CNTN4: variants seen among roughly 807,000 people sequenced by gnomAD.
CNTN4 encodes contactin 4.
In CNTN4, 77 loss-of-function variants were observed where a neutral mutation model predicts 122.5. The observed-to-expected ratio is 0.63, with a 90% confidence interval of 0.52 to 0.76. The LOEUF (loss-of-function observed/expected upper bound fraction) is 0.76, where lower values mean the gene tolerates loss of function less well. Among genes scored for constraint, CNTN4 ranks in the 30% least tolerant of loss-of-function variants. CNTN4 has a pLI of 0.00. For missense variants in CNTN4, 1,256 were observed against 1,259.1 expected, an observed-to-expected ratio of 1.00 and a Z score of 0.04; for synonymous variants, 512 against 447.0, an observed-to-expected ratio of 1.15 and a Z score of -1.83.
rs377037890 is a variant in CNTN4 at position 2,689,163 on chromosome 3, G to T, written c.56-47052G>T. Among the ~76,000 whole-genome samples the T allele has an allele frequency of 1.3e-5, 2 of 152,120 alleles. 1 individual carries two copies. Among genetic ancestry groups the T allele is most frequent in the South Asian group, 4.1e-4 (2 of 4,824 alleles). ...CATCCAGTTCTTGCCAGGTTGCTAC[G>T]GAAGTTGCTTTGCTATTCTTATGGG... On this transcript the variant is annotated intron_variant, in intron 4 of 24. Transcript: ENST00000418658.
chr3:2,782,090 G>T (rs138051731), intron 6 of CNTN4, among the ~76,000 whole-genome samples: 12 of 152,010 alleles, frequency 7.9e-5, no homozygotes, highest in African/African-American at 2.9e-4. Context: ...TGCAGATGAA[G>T]CTTTTAGCTA....
intron 14 of CNTN4, chr3:3,009,146 T>C (rs1388528675): frequency 5.7e-6 from 3 of 523,814 alleles, no homozygotes; most frequent in Admixed American, 6.4e-5. Flanking sequence ...TGTTAGACTA[T>C]AAGAGTTGAC....
At chr3:2,368,657 T>C (rs1295489937) in intron 3 of CNTN4, among the ~76,000 whole-genome samples, 5 of 145,914 alleles carry the variant, frequency 3.4e-5, no homozygotes, top group African/African-American at 1.3e-4. Context: ...CCCTTCACAT[T>C]TTCTTAAATA....
chr3:2,952,847 G>C (rs1382002070), intron 13 of CNTN4, among the ~76,000 whole-genome samples: 2 of 152,128 alleles, frequency 1.3e-5, no homozygotes, highest in African/African-American at 2.4e-5. Flanking sequence ...GCTGTATTTT[G>C]GGCATCTTCA....
chr3:2,469,795 CAT>C (rs1262107610), intron 3 of CNTN4, among the ~76,000 whole-genome samples: 4 of 152,256 alleles, frequency 2.6e-5, no homozygotes, highest in Non-Finnish European at 5.9e-5. Context: ...GAATTTCTGA[CAT>C]GTGTTATTAG....
At chr3:2,271,719 T>G (rs2041306573) in intron 2 of CNTN4, among the ~76,000 whole-genome samples, 1 of 152,136 alleles carries the variant, frequency 6.6e-6, no homozygotes, top group South Asian at 2.1e-4. Context: ...AAACAGCTAG[T>G]GGGGTCCCCA....
intron 3 of CNTN4, among the ~76,000 whole-genome samples, chr3:2,492,502 T>A (rs1274623709): frequency 6.6e-6 from 1 of 152,190 alleles, no homozygotes; most frequent in East Asian, 1.9e-4. Context: ...ATTCTACTTT[T>A]AGGTATATTG....
At chr3:2,123,459 G>A (rs1327628152) in intron 2 of CNTN4, among the ~76,000 whole-genome samples, 2 of 152,162 alleles carry the variant, frequency 1.3e-5, no homozygotes, top group Non-Finnish European at 2.9e-5. Context: ...AATTTAGGCA[G>A]TTCTTGTTTG....
intron 5 of CNTN4, among the ~76,000 whole-genome samples, chr3:2,744,532 C>T (rs1227836480): frequency 6.6e-6 from 1 of 152,170 alleles, no homozygotes; most frequent in Non-Finnish European, 1.5e-5. Flanking sequence ...TGCTGTGATA[C>T]TCTTGGTAAT....
chr3:2,554,420 C>G (rs2078637188), intron 3 of CNTN4, among the ~76,000 whole-genome samples: 2 of 152,114 alleles, frequency 1.3e-5, no homozygotes, highest in African/African-American at 4.8e-5. Context: ...GTGATACTTT[C>G]TCCAGTTTGT....
intron 3 of CNTN4, among the ~76,000 whole-genome samples, chr3:2,513,189 G>C (rs552669239): frequency 6.6e-6 from 1 of 152,280 alleles, no homozygotes; most frequent in African/African-American, 2.4e-5. Flanking sequence ...TGAAGTAACG[G>C]CAAGTGGTTT....
intron 3 of CNTN4, among the ~76,000 whole-genome samples, chr3:2,516,313 C>T (rs745507602): frequency 1.3e-4 from 20 of 152,098 alleles, no homozygotes; most frequent in Non-Finnish European, 2.5e-4. Context: ...GTTTTATCGT[C>T]GTGCATCCAT....
chr3:2,290,856 G>A (rs1057472157), intron 2 of CNTN4, among the ~76,000 whole-genome samples: 21 of 152,052 alleles, frequency 1.4e-4, no homozygotes, highest in African/African-American at 4.4e-4. Context: ...CAGAAACTTC[G>A]GGTCTGAACT....
intron 4 of CNTN4, among the ~76,000 whole-genome samples, chr3:2,707,568 G>A (rs902779060): frequency 6.6e-6 from 1 of 152,120 alleles, no homozygotes; most frequent in Admixed American, 6.6e-5. Context: ...TTTTGGCAGT[G>A]GCAGGGAAGA....
At chr3:2,587,253 A>G (rs2080243892) in intron 4 of CNTN4, among the ~76,000 whole-genome samples, 1 of 152,190 alleles carries the variant, frequency 6.6e-6, no homozygotes, top group South Asian at 2.1e-4. Context: ...AACAAACCAA[A>G]CCAAATTAAA....
Position 2,819,531 on chromosome 3 carries a change from G to A in CNTN4, c.404G>A (p.Arg135His), listed in dbSNP as rs377113483. 1.8e-5 allele frequency: 29 copies of A among 1,613,994 alleles called. No individual in the cohort carries two copies. The highest frequency in any genetic ancestry group is 2.2e-5 in the South Asian group (2 of 91,076). ...KTRTRSTVSVRRGQGMVLLCG... is the reference protein window; with the variant it reads ...KTRTRSTVSVHRGQGMVLLCG... ...AGAACAAGAAGCACTGTGTCTGTCCGTCGAGGTCAAGGAATGGTGCTACTG... is the reference window on the plus strand; with the variant it reads ...AGAACAAGAAGCACTGTGTCTGTCCATCGAGGTCAAGGAATGGTGCTACTG... The change falls in exon 7 of 25, where the codon CGT (arginine) becomes CAT (histidine). Residue 135 changes from arginine to histidine, a missense_variant. Transcript: ENST00000418658.
chr3:2,255,953 A>G (rs1180503325), intron 2 of CNTN4, among the ~76,000 whole-genome samples: 1 of 152,192 alleles, frequency 6.6e-6, no homozygotes, highest in East Asian at 1.9e-4. Flanking sequence ...GCAGAACTGA[A>G]GGAGATAGAG....
At chr3:2,792,869 A>G (rs1331274522) in intron 6 of CNTN4, among the ~76,000 whole-genome samples, 1 of 152,250 alleles carries the variant, frequency 6.6e-6, no homozygotes, top group African/African-American at 2.4e-5. Context: ...TTTTCAAAAT[A>G]CACATTCTCA....
intron 5 of CNTN4, among the ~76,000 whole-genome samples, chr3:2,738,452 A>C (rs1402817452): frequency 1.3e-5 from 2 of 152,200 alleles, no homozygotes; most frequent in Admixed American, 6.5e-5. Context: ...TGACTCCAGC[A>C]GACCCTCACT....
Sources: allele counts gnomAD v4.1 joint callset (sites outside exome capture counted in the v4.1 genomes callset), GRCh38; gene constraint gnomAD v4.1.1; transcripts MANE v1.5; gene names NCBI Gene and HGNC (gene_info 2026-07-23, HGNC 2026-07-21).